Variants in IL1RAPL2 observed in about 807,000 individuals in gnomAD.
IL1RAPL2 encodes X-linked interleukin-1 receptor accessory protein-like 2.
IL1RAPL2 carries 3 observed loss-of-function variants against 44.1 expected under a neutral mutation model. The ratio of observed to expected loss-of-function variants is 0.07; its 90% CI spans 0.03 to 0.18. IL1RAPL2 has a LOEUF of 0.18. Ranked by LOEUF, IL1RAPL2 falls within the 10% of genes least tolerant of loss-of-function variation. The pLI is 1.00. For missense variants in IL1RAPL2, 391 were observed against 496.4 expected (o/e 0.79, Z 2.02); for synonymous variants, 181 against 178.8 (o/e 1.01, Z -0.10).
At chrX:105,163,359 T>C (rs761956467) in intron 2 of IL1RAPL2, among the ~76,000 whole-genome samples, 37 of 111,867 alleles carry the variant, frequency 3.3e-4, no homozygotes, top group African/African-American at 1.2e-3. Context: ...TTGTAGTTAC[T>C]TATTTTGCCA....
At chrX:104,843,695 G>T (rs926307313) in intron 2 of IL1RAPL2, among the ~76,000 whole-genome samples, 3 of 108,781 alleles carry the variant, frequency 2.8e-5, no homozygotes, top group Non-Finnish European at 5.7e-5. Flanking sequence ...ACCCCATCCT[G>T]CTTCTGCTTG....
chrX:105,462,753 T>C lies in IL1RAPL2; in HGVS notation c.698-21560T>C, dbSNP rs996150592. 4.5e-5 allele frequency among the ~76,000 whole-genome samples: 5 copies of C among 111,033 alleles called. No homozygotes were observed. The East Asian group carries it at 1.1e-3, about 25-fold the overall frequency. ...TTGTTTTTAACATCAATGCTCTCCC[T>C]CACTATCTTCCCATCTTTCTTTTCT... On this transcript the variant is annotated intron_variant, in intron 5 of 10. Coordinates refer to ENST00000372582, the MANE Select transcript of IL1RAPL2 (RefSeq NM_017416.2).
At chrX:104,754,581 G>A (rs1184984918) in intron 2 of IL1RAPL2, among the ~76,000 whole-genome samples, 2 of 111,317 alleles carry the variant, frequency 1.8e-5, no homozygotes, top group Non-Finnish European at 3.8e-5. Flanking sequence ...TAAGAGGGCT[G>A]GAGAATTCAT....
intron 6 of IL1RAPL2, among the ~76,000 whole-genome samples, chrX:105,590,782 G>C (rs1464410822): frequency 3.7e-5 from 4 of 108,312 alleles, no homozygotes; most frequent in Non-Finnish European, 7.6e-5. Flanking sequence ...GTTTGCATCT[G>C]TTTTTCTCAA....
intron 2 of IL1RAPL2, among the ~76,000 whole-genome samples, chrX:104,697,886 C>T (rs192758660): frequency 1.8e-5 from 2 of 112,901 alleles, no homozygotes; most frequent in East Asian, 5.6e-4. Context: ...CACAGATTTC[C>T]ATGAGTCAGA....
chrX:104,703,401 A>G (rs1931311471), intron 2 of IL1RAPL2, among the ~76,000 whole-genome samples: 1 of 111,712 alleles, frequency 9.0e-6, no homozygotes, highest in Non-Finnish European at 1.9e-5. Context: ...GTGTGTTTCC[A>G]CTATCACAGA....
At chrX:105,280,031 C>T (rs973961618) in intron 5 of IL1RAPL2, among the ~76,000 whole-genome samples, 5 of 111,951 alleles carry the variant, frequency 4.5e-5, no homozygotes, top group Non-Finnish European at 9.4e-5. Flanking sequence ...TCAAACTCTA[C>T]TACAAGGCTA....
intron 6 of IL1RAPL2, among the ~76,000 whole-genome samples, chrX:105,532,578 C>A (rs1225701801): frequency 9.1e-6 from 1 of 109,695 alleles, no homozygotes; most frequent in Non-Finnish European, 1.9e-5. Flanking sequence ...AAGTTTCCCC[C>A]ATTTTTTAAA....
chrX:104,677,265 A>G (rs1401247222), intron 2 of IL1RAPL2, among the ~76,000 whole-genome samples: 2 of 110,400 alleles, frequency 1.8e-5, no homozygotes, highest in African/African-American at 6.6e-5. Context: ...TGATGTACAG[A>G]TGGGTTTTTG....
intron 2 of IL1RAPL2, among the ~76,000 whole-genome samples, chrX:104,717,761 C>T (rs768863036): frequency 9.2e-6 from 1 of 109,135 alleles, no homozygotes; most frequent in Admixed American, 9.8e-5. Flanking sequence ...TCTCCCCCCC[C>T]CACCCCACAA....
chrX:104,829,963 C>T (rs1024612175), intron 2 of IL1RAPL2, among the ~76,000 whole-genome samples: 3 of 111,772 alleles, frequency 2.7e-5, no homozygotes, highest in African/African-American at 9.8e-5. Context: ...AAGGAATCTG[C>T]CTATAGTCAT....
chrX:105,021,115 T>C (rs1397435604), intron 2 of IL1RAPL2, among the ~76,000 whole-genome samples: 2 of 111,822 alleles, frequency 1.8e-5, no homozygotes, highest in Non-Finnish European at 3.8e-5. Context: ...AGAATCCATG[T>C]AAACATTCCA....
chrX:104,908,355 G>A (rs1311193263), intron 2 of IL1RAPL2, among the ~76,000 whole-genome samples: 1 of 111,273 alleles, frequency 9.0e-6, no homozygotes, highest in Non-Finnish European at 1.9e-5. Flanking sequence ...TATGATGTTA[G>A]CTGGTTATTT....
At chrX:104,889,431 A>G (rs1316830596) in intron 2 of IL1RAPL2, among the ~76,000 whole-genome samples, 3 of 111,987 alleles carry the variant, frequency 2.7e-5, no homozygotes, top group Non-Finnish European at 5.6e-5. Context: ...TGAAAACAAC[A>G]AACTCACACA....
chrX:105,069,699 G>A (rs1036127004), intron 2 of IL1RAPL2, among the ~76,000 whole-genome samples: 1 of 112,074 alleles, frequency 8.9e-6, no homozygotes, highest in African/African-American at 3.2e-5. Context: ...GGCTTTGGGG[G>A]TAATAATTAT....
rs183006330 is a variant in IL1RAPL2, at chrX:105,167,345, G to C, written c.83-28130G>C. 8.0e-5 allele frequency among the ~76,000 whole-genome samples: 9 copies of C among 112,481 alleles called. No homozygotes were observed. The Admixed American group carries it at 8.4e-4, about 11-fold the overall frequency. On this transcript the variant is annotated intron_variant, in intron 2 of 10. Coordinates refer to ENST00000372582, the MANE Select transcript of IL1RAPL2 (RefSeq NM_017416.2). The stretch of plus-strand genomic sequence containing the variant: ...TTCATAACTCTGAGTCAGCTATATG[G>C]GCTGAGATGAGATTTTCAGGAGATA...
chrX:105,255,833 A>G (rs2034309561), intron 4 of IL1RAPL2, among the ~76,000 whole-genome samples: 1 of 111,558 alleles, frequency 9.0e-6, no homozygotes. Context: ...GTTCTTCAAT[A>G]CCTGGGGTAT....
In IL1RAPL2 at chrX:105,738,055, A is replaced by G. The variant is rs1408688714; in HGVS notation, c.903-2491A>G. Among the ~76,000 whole-genome samples the G allele has an allele frequency of 4.5e-5, 5 of 111,406 alleles. No individual in the cohort carries two copies. In the South Asian group the frequency reaches 1.5e-3, roughly 33 times the overall value. ...AGTATGAGAGACTCAGATTTTAGAA[A>G]CTCCATTCCACCAACCCAACTTTAA... On this transcript the variant is annotated intron_variant, in intron 7 of 10. Transcript: ENST00000372582.
chrX:105,467,426 AAT>A (rs2036137862), intron 5 of IL1RAPL2, among the ~76,000 whole-genome samples: 1 of 111,495 alleles, frequency 9.0e-6, no homozygotes, highest in East Asian at 2.8e-4. Context: ...AGCTTAAGGA[AAT>A]ATATATAATG....
Sources: gnomAD v4.1 joint callset for allele counts (sites outside exome capture counted in the v4.1 genomes callset) on GRCh38, gnomAD v4.1.1 for gene constraint, MANE v1.5 for transcripts, NCBI Gene and HGNC (gene_info 2026-07-23, HGNC 2026-07-21) for gene names.